The following CDH7 variants were observed in gnomAD, a reference collection of about 807,000 sequenced individuals.
CDH7 encodes the protein cadherin 7, also known as cadherin-7.
CDH7 carries 25 observed loss-of-function variants against 71.8 expected under a neutral mutation model. That is an observed-to-expected ratio of 0.35 (90% CI 0.25 to 0.49). The LOEUF is 0.49. CDH7 is among the 20% of genes least tolerant of loss of function. The pLI, the probability that CDH7 is intolerant of heterozygous loss-of-function variation, is 0.99. For synonymous variants in CDH7, 381 were observed against 363.8 expected (o/e 1.05, Z -0.54); for missense variants, 862 against 974.6 (o/e 0.88, Z 1.54).
chr18:65,845,342 C>T (rs1912899936), intron 7 of CDH7, among the ~76,000 whole-genome samples: 3 of 152,022 alleles, frequency 2.0e-5, no homozygotes, highest in South Asian at 4.1e-4. Flanking sequence ...GATGATTATA[C>T]TGTTTTTAAT....
chr18:65,804,959 T>C (rs1362033834), intron 2 of CDH7, among the ~76,000 whole-genome samples: 4 of 152,172 alleles, frequency 2.6e-5, no homozygotes, highest in Admixed American at 2.6e-4. Context: ...ACAGGATGTT[T>C]TTTGTTTTGT....
chr18:65,877,207 C>T (rs892626740), intron 11 of CDH7, among the ~76,000 whole-genome samples: 2 of 151,878 alleles, frequency 1.3e-5, no homozygotes, highest in African/African-American at 4.8e-5. Context: ...TTTTCTTTGC[C>T]TTGGACAAGA....
Position 65,760,324 on chromosome 18 carries a change from A to C in CDH7, c.-196-2323A>C, listed in dbSNP as rs1165731171. 2.0e-5 allele frequency among the ~76,000 whole-genome samples: 3 copies of C among 152,316 alleles called. No individual in the cohort carries two copies. In the East Asian group the frequency reaches 5.8e-4, roughly 29 times the overall value. ...TTAACTTATTCAAGATTACGTAGTT[A>C]AGACATGACTGACCCAGAATTTGAA... On this transcript the variant is annotated intron_variant, in intron 1 of 11. Coordinates refer to ENST00000397968, the MANE Select transcript of CDH7 (RefSeq NM_004361.5).
chr18:65,814,129 A>G (rs563510986), intron 3 of CDH7, among the ~76,000 whole-genome samples: 3 of 152,304 alleles, frequency 2.0e-5, no homozygotes, highest in Admixed American at 6.5e-5. Context: ...ATTGAGTCTT[A>G]TAGAAGCTGC....
intron 6 of CDH7, among the ~76,000 whole-genome samples, chr18:65,829,283 C>T (rs1225023427): frequency 1.3e-5 from 2 of 151,912 alleles, no homozygotes; most frequent in Non-Finnish European, 2.9e-5. Context: ...CTACTCCTGG[C>T]TAATTTTTGT....
chr18:65,752,471 A>C (rs918632231), intron 1 of CDH7, among the ~76,000 whole-genome samples: 3 of 152,240 alleles, frequency 2.0e-5, no homozygotes, highest in African/African-American at 7.2e-5. Flanking sequence ...AATTAATTAC[A>C]TTTGAAGCGT....
At chr18:65,825,596 A>G (rs74982750) in intron 6 of CDH7, among the ~76,000 whole-genome samples, 2,165 of 152,000 alleles carry the variant, frequency 0.014, 39 homozygotes, top group African/African-American at 0.048. Flanking sequence ...AACATTAAAA[A>G]TATATCAATA....
chr18:65,819,287 G>A lies in CDH7; in HGVS notation c.626-2794G>A, dbSNP rs143676154. Among the ~76,000 whole-genome samples the A allele has an allele frequency of 2.7e-3, 407 of 152,238 alleles. 1 individual carries two copies. Among genetic ancestry groups the A allele is most frequent in the African/African-American group, 6.9e-3 (288 of 41,556 alleles). Reference sequence around the variant, plus strand: ...TGCATGTAATTGAAATTGGGTTTACGTAAGTATAAATAAATTTGCCAAGAG... The same window carrying A: ...TGCATGTAATTGAAATTGGGTTTACATAAGTATAAATAAATTTGCCAAGAG... On this transcript the variant is annotated intron_variant, in intron 4 of 11. Transcript: ENST00000397968.
intron 9 of CDH7, 149 bp downstream of exon 9, chr18:65,859,195 A>G (rs1568224695): frequency 2.9e-6 from 2 of 694,006 alleles, no homozygotes; most frequent in Non-Finnish European, 4.9e-6. Flanking sequence ...GCATGAACTA[A>G]TATTAAAGGA....
chr18:65,820,369 CTA>C (rs1911879224), intron 4 of CDH7, among the ~76,000 whole-genome samples: 2 of 151,660 alleles, frequency 1.3e-5, no homozygotes, highest in South Asian at 4.1e-4. Context: ...TTGGTCAAGA[CTA>C]GACTTTACTA....
chr18:65,811,966 CTTT>C (rs57594274), intron 3 of CDH7, among the ~76,000 whole-genome samples: 2 of 95,882 alleles, frequency 2.1e-5, no homozygotes, highest in East Asian at 3.1e-4. Context: ...CTTTTCTTTT[CTTT>C]TTTTTTTTTT....
Position 65,808,528 on chromosome 18 carries a change from A to G in CDH7, c.211-1176A>G, listed in dbSNP as rs148776142. ...TAGTCCTACAGAAACCAAAAGGTAA[A>G]TCAGGTATTCAAGTACTTGGAAGCA... On this transcript the variant is annotated intron_variant, in intron 2 of 11. Coordinates refer to ENST00000397968, the MANE Select transcript of CDH7 (RefSeq NM_004361.5). Among the ~76,000 whole-genome samples, 400 of 152,334 alleles carry G rather than the reference A, an allele frequency of 2.6e-3. 4 individuals are homozygous for G. Among genetic ancestry groups the G allele is most frequent in the African/African-American group, 8.9e-3 (371 of 41,574 alleles).
At chr18:65,793,123 A>AT (rs1184201838) in intron 2 of CDH7, among the ~76,000 whole-genome samples, 6 of 152,064 alleles carry the variant, frequency 3.9e-5, no homozygotes, top group African/African-American at 2.4e-5. Flanking sequence ...TTTATGAAAC[A>AT]TTTTTTTTCT....
intron 6 of CDH7, among the ~76,000 whole-genome samples, chr18:65,827,687 T>A (rs1476339646): frequency 6.6e-6 from 1 of 151,940 alleles, no homozygotes; most frequent in Non-Finnish European, 1.5e-5. Context: ...GATTTTTAAA[T>A]TTTATCTTAA....
intron 6 of CDH7, among the ~76,000 whole-genome samples, 189 bp downstream of exon 6, chr18:65,825,020 C>A (rs1912076991): frequency 6.6e-6 from 1 of 151,740 alleles, no homozygotes; most frequent in Non-Finnish European, 1.5e-5. Flanking sequence ...TGTAATAACA[C>A]CCATCAATTC....
At chr18:65,863,209 T>C in intron 11 of CDH7, 1 of 420,824 alleles carries the variant, frequency 2.4e-6, no homozygotes, top group Admixed American at 3.9e-5. Flanking sequence ...AGCTAACTTT[T>C]GTATCTTTAG....
rs1787942792 is a variant in CDH7 at position 65,882,319 on chromosome 18, CT to C, written c.*1426del. 1 of 151,978 alleles carries C rather than the reference CT, an allele frequency of 6.6e-6. No homozygotes were observed. The highest frequency in any genetic ancestry group is 1.5e-5 in the Non-Finnish European group (1 of 67,960). The allele number at this position is 151,978 out of a possible 1,614,324, so 9.4% of individuals were successfully genotyped here. A position where few individuals can be genotyped will look rare whatever the true frequency, so the allele number is the denominator to read the frequency against. On this transcript the variant is annotated 3_prime_UTR_variant, in exon 12 of 12. Coordinates refer to ENST00000397968, the MANE Select transcript of CDH7 (RefSeq NM_004361.5). ...ATGATGTTTCTACCTATTATTTTTC[CT>C]AGATTAATACTAGTTTAATGTGCAT...
chr18:65,781,769 TCCTTCCTTCCTTCCTTCCTTCCTTC>T (rs1910203600), intron 2 of CDH7, among the ~76,000 whole-genome samples: 5 of 78,812 alleles, frequency 6.3e-5, no homozygotes, highest in African/African-American at 2.6e-4. Context: ...TTTCTTTCTT[TCCTTCCTTCCTTCCTTCCTTCCTTC>T]CTTCCTTCCT....
intron 2 of CDH7, among the ~76,000 whole-genome samples, chr18:65,769,105 C>A (rs1916468507): frequency 6.6e-6 from 1 of 152,158 alleles, no homozygotes; most frequent in African/African-American, 2.4e-5. Flanking sequence ...TAACCAACAG[C>A]TGTGGAGGTG....
Sources: gnomAD v4.1 joint callset for allele counts (sites outside exome capture counted in the v4.1 genomes callset) on GRCh38, gnomAD v4.1.1 for gene constraint, MANE v1.5 for transcripts, NCBI Gene and HGNC (gene_info 2026-07-23, HGNC 2026-07-21) for gene names.